Variants in FAM135A observed in about 807,000 individuals in gnomAD.
The protein encoded by FAM135A is family with sequence similarity 135 member A, also known as protein FAM135A.
A neutral mutation model predicts 146.8 loss-of-function variants in FAM135A; 79 were observed. The ratio of observed to expected loss-of-function variants is 0.54; its 90% CI spans 0.45 to 0.65. The LOEUF (loss-of-function observed/expected upper bound fraction) is 0.65. Ranked by LOEUF, FAM135A falls within the 30% of genes least tolerant of loss-of-function variation. FAM135A has a pLI of 0.00. For synonymous variants in FAM135A, 562 were observed against 603.6 expected, an observed-to-expected ratio of 0.93 and a Z score of 1.01; for missense variants, 1,623 against 1,758.2, an observed-to-expected ratio of 0.92 and a Z score of 1.38.
intron 20 of FAM135A, among the ~76,000 whole-genome samples, chr6:70,542,955 C>T (rs796852569): frequency 4.6e-5 from 7 of 151,936 alleles, no homozygotes; most frequent in African/African-American, 1.7e-4. Flanking sequence ...AACCTTTTAC[C>T]ATACTCATTA....
intron 5 of FAM135A, 81 bp downstream of exon 5, chr6:70,452,652 T>C (rs893985713): frequency 5.2e-6 from 5 of 963,242 alleles, no homozygotes; most frequent in African/African-American, 3.4e-5. Context: ...ATTACAGATA[T>C]AAGATACCTG....
chr6:70,477,959 A>T (rs572689436), intron 8 of FAM135A, among the ~76,000 whole-genome samples: 1 of 152,226 alleles, frequency 6.6e-6, no homozygotes, highest in South Asian at 2.1e-4. Flanking sequence ...ACCACACAAC[A>T]TTGTTTATTC....
rs376461167 is a variant in FAM135A, at chr6:70,425,685, TG to T, written c.-133-753del. Among the ~76,000 whole-genome samples, 57 of 152,362 alleles carry T rather than the reference TG, an allele frequency of 3.7e-4. 1 individual carries two copies. The South Asian group carries it at 9.3e-3, about 25-fold the overall frequency. On this transcript the variant is annotated intron_variant, in intron 2 of 21. Coordinates refer to ENST00000418814, the MANE Select transcript of FAM135A (RefSeq NM_001162529.3). ...ATCCATAGCACATTGAAGCAATCAT[TG>T]TGTCAAAGTATTTTAAATAGTTCTT...
At chr6:70,431,034 A>G (rs1337603492) in intron 4 of FAM135A, among the ~76,000 whole-genome samples, 1 of 152,074 alleles carries the variant, frequency 6.6e-6, no homozygotes, top group African/African-American at 2.4e-5. Flanking sequence ...TCACTCCATA[A>G]CATGGTTACC....
In FAM135A at chr6:70,525,796, C is replaced by G; in HGVS notation, c.2712C>G (p.Asp904Glu). 6.2e-7 allele frequency: 1 copy of G among 1,613,220 alleles called. No homozygotes were observed. The highest frequency in any genetic ancestry group is 1.1e-5 in the South Asian group (1 of 90,990). ...QQSVVFSGNL[D>E]NETVAIHSLN... ...GTGTTGTATTTTCAGGGAACTTGGA[C>G]AATGAAACTGTAGCAATACATTCCT... is the stretch of plus-strand genomic sequence containing the variant. Residue 904 changes from aspartate (D) to glutamate (E), a missense_variant, in exon 15 of 22, where the codon GAC becomes GAG. Asp to Glu is a conservative substitution (Grantham distance 45, BLOSUM62 2). Transcript: ENST00000418814.
intron 2 of FAM135A, among the ~76,000 whole-genome samples, chr6:70,419,418 CAAA>C (rs3029152): frequency 2.0e-4 from 29 of 146,028 alleles, no homozygotes; most frequent in Non-Finnish European, 2.0e-4. Flanking sequence ...GACTTCGTCT[CAAA>C]AAAAAAAAAA....
intron 21 of FAM135A, among the ~76,000 whole-genome samples, chr6:70,559,494 G>A (rs1298874994): frequency 6.6e-6 from 1 of 151,408 alleles, no homozygotes; most frequent in African/African-American, 2.4e-5. Context: ...TAATAAATTT[G>A]TTATTTCCAC....
chr6:70,481,667 G>A (rs936741431), intron 9 of FAM135A, among the ~76,000 whole-genome samples: 1 of 150,984 alleles, frequency 6.6e-6, no homozygotes, highest in African/African-American at 2.4e-5. Context: ...AAAAAGAGTG[G>A]TACAAGTACA....
intron 12 of FAM135A, among the ~76,000 whole-genome samples, chr6:70,517,914 A>G (rs1279577091): frequency 6.6e-6 from 1 of 152,106 alleles, no homozygotes; most frequent in East Asian, 1.9e-4. Flanking sequence ...GGGTCTCCAT[A>G]TTCCCTGAGA....
chr6:70,480,104 A>C (rs925660434), intron 8 of FAM135A, among the ~76,000 whole-genome samples: 3 of 152,152 alleles, frequency 2.0e-5, no homozygotes, highest in African/African-American at 7.2e-5. Context: ...GCTTTGGCCT[A>C]CTTTATCTCA....
chr6:70,513,705 T>TA (rs2128302944), intron 12 of FAM135A, among the ~76,000 whole-genome samples: 1 of 152,260 alleles, frequency 6.6e-6, no homozygotes, highest in Admixed American at 6.5e-5. Context: ...ATTGACCTTA[T>TA]ACTTTATTGC....
chr6:70,476,016 T>A (rs2128158658), intron 7 of FAM135A, among the ~76,000 whole-genome samples: 1 of 152,344 alleles, frequency 6.6e-6, no homozygotes, highest in African/African-American at 2.4e-5. Flanking sequence ...CCGTGAGGCA[T>A]TTAAATGTAA....
intron 11 of FAM135A, among the ~76,000 whole-genome samples, chr6:70,501,072 A>T (rs1458708644): frequency 6.6e-6 from 1 of 152,182 alleles, no homozygotes; most frequent in African/African-American, 2.4e-5. Context: ...GGCAGGAATG[A>T]TTAAATCTGC....
intron 5 of FAM135A, among the ~76,000 whole-genome samples, chr6:70,467,350 T>A (rs1385823535): frequency 6.6e-6 from 1 of 152,282 alleles, no homozygotes; most frequent in South Asian, 2.1e-4. Context: ...ATCTTCTATG[T>A]GACCTTTTTC....
rs1207781449 is a variant in FAM135A at position 70,464,793 on chromosome 6, AG to A, written c.158-10616del. 2.8e-5 allele frequency among the ~76,000 whole-genome samples: 4 copies of A among 142,476 alleles called. No individual in the cohort carries two copies. In the East Asian group the frequency reaches 8.1e-4, roughly 29 times the overall value. The allele number at this position is 142,476 out of a possible 152,430, so 93.5% of individuals were successfully genotyped here. ...GCGATTCGCCCATCTCAGACTCCCA[AG>A]TAGCTGGGATTATAGGCATGCACCA... On this transcript the variant is annotated intron_variant, in intron 5 of 21. Transcript: ENST00000418814.
chr6:70,422,730 A>G (rs775512054), intron 2 of FAM135A, among the ~76,000 whole-genome samples: 7 of 152,242 alleles, frequency 4.6e-5, no homozygotes, highest in Non-Finnish European at 8.8e-5. Flanking sequence ...GTTGAGTTTC[A>G]ATTGAAGACA....
chr6:70,552,422 G>T (rs1799990795), intron 20 of FAM135A, among the ~76,000 whole-genome samples: 1 of 151,622 alleles, frequency 6.6e-6, no homozygotes, highest in Admixed American at 6.6e-5. Flanking sequence ...CGGGGCGAGG[G>T]GGAAGGCAAG....
intron 11 of FAM135A, among the ~76,000 whole-genome samples, chr6:70,497,910 A>G (rs372725812): frequency 6.6e-6 from 1 of 152,196 alleles, no homozygotes. Context: ...ATTGATGTTC[A>G]TCAGAGATAT....
intron 4 of FAM135A, among the ~76,000 whole-genome samples, chr6:70,438,326 C>A (rs1252220814): frequency 6.6e-6 from 1 of 152,168 alleles, no homozygotes; most frequent in Non-Finnish European, 1.5e-5. Context: ...GTTTTACTTT[C>A]TGTGGTTTCA....
Sources: gnomAD v4.1 joint callset for allele counts (sites outside exome capture counted in the v4.1 genomes callset) on GRCh38, gnomAD v4.1.1 for gene constraint, MANE v1.5 for transcripts, NCBI Gene and HGNC (gene_info 2026-07-23, HGNC 2026-07-21) for gene names.